The following NKAIN3 variants were observed in gnomAD, a reference collection of about 807,000 sequenced individuals.
NKAIN3 encodes sodium/potassium transporting ATPase interacting 3, also known as sodium/potassium-transporting ATPase subunit beta-1-interacting protein 3.
A neutral mutation model predicts 30.2 loss-of-function variants in NKAIN3; 25 were observed. That is an observed-to-expected ratio of 0.83 (90% confidence interval 0.60 to 1.16). NKAIN3 has a LOEUF of 1.16. Ranked by LOEUF, NKAIN3 falls within the 50% of genes most tolerant of loss-of-function variation. The pLI, the probability that NKAIN3 is intolerant of heterozygous loss-of-function variation, is 0.00. For synonymous variants in NKAIN3, 91 were observed against 89.6 expected (o/e 1.02, Z -0.09); for missense variants, 225 against 254.1 (o/e 0.89, Z 0.78).
chr8:62,301,894 A>T (rs11995175), intron 1 of NKAIN3, among the ~76,000 whole-genome samples: 279 of 152,180 alleles, frequency 1.8e-3, no homozygotes, highest in African/African-American at 6.3e-3. Flanking sequence ...TGCCAATAGA[A>T]ACTTAAACGT....
In NKAIN3 at chr8:62,729,046, A is replaced by ACAAAACGAAAC. The variant is rs200093846; in HGVS notation, c.274-17886_274-17885insCAAAACGAAAC. On this transcript the variant is annotated intron_variant, in intron 3 of 6. Coordinates refer to ENST00000623646, the MANE Select transcript of NKAIN3 (RefSeq NM_001304533.3). ...AACCAAAAAAAAAAAAAAACAAAAA[A>ACAAAACGAAAC]AAAAAACCTCCTGCTCTGCAAAAGA... 1.7e-3 allele frequency among the ~76,000 whole-genome samples: 238 copies of ACAAAACGAAAC among 139,468 alleles called. 9 individuals carry two copies. The highest frequency in any genetic ancestry group is 5.9e-3 in the African/African-American group (222 of 37,628). 91.5% of individuals were successfully genotyped at this position (139,468 alleles called of 152,430 possible). A position where few individuals can be genotyped will look rare whatever the true frequency, so the allele number is the denominator to read the frequency against.
chr8:62,926,145 G>A (rs1822436669), intron 5 of NKAIN3, among the ~76,000 whole-genome samples: 1 of 152,084 alleles, frequency 6.6e-6, no homozygotes, highest in South Asian at 2.1e-4. Flanking sequence ...TCACACCCTC[G>A]TGACACCCTG....
chr8:62,409,564 C>T (rs1444224319), intron 1 of NKAIN3, among the ~76,000 whole-genome samples: 6 of 152,088 alleles, frequency 3.9e-5, no homozygotes, highest in Non-Finnish European at 8.8e-5. Context: ...CCTATGATCA[C>T]ATTTTTATTA....
chr8:62,410,554 G>C (rs569081791), intron 1 of NKAIN3, among the ~76,000 whole-genome samples: 1 of 152,014 alleles, frequency 6.6e-6, no homozygotes, highest in East Asian at 1.9e-4. Flanking sequence ...CAAAAGATCA[G>C]TGAAACCAAG....
chr8:62,548,258 A>C (rs1159841553), intron 1 of NKAIN3, among the ~76,000 whole-genome samples: 3 of 152,206 alleles, frequency 2.0e-5, no homozygotes, highest in Non-Finnish European at 4.4e-5. Flanking sequence ...TGAACTGAAA[A>C]TATATTCAGT....
Position 62,934,826 on chromosome 8 carries a change from G to A in NKAIN3, c.532+16313G>A, listed in dbSNP as rs562050931. ...AGAGAGATCTTATCTCATGGTTTGT[G>A]CTACTGGGGAAAAAACGGGGTAGAA... On this transcript the variant is annotated intron_variant, in intron 5 of 6. Coordinates refer to ENST00000623646, the MANE Select transcript of NKAIN3 (RefSeq NM_001304533.3). Among the ~76,000 whole-genome samples the A allele has an allele frequency of 5.9e-5, 9 of 152,168 alleles. No homozygotes were observed. The South Asian group carries it at 1.5e-3, about 25-fold the overall frequency.
rs1307439969 is a variant in NKAIN3, at chr8:62,976,393, G to T, written c.*10986G>T. On this transcript the variant is annotated 3_prime_UTR_variant, in exon 7 of 7. Transcript: ENST00000623646. ...CACTATTAGGTGCATACATATTTAG[G>T]ATAGTTAGCTCTTCCTGTTGCATTG... is the stretch of plus-strand genomic sequence containing the variant. Among the ~76,000 whole-genome samples, 1 of 152,102 alleles carries T rather than the reference G, an allele frequency of 6.6e-6. No homozygotes were observed. The highest frequency in any genetic ancestry group is 1.5e-5 in the Non-Finnish European group (1 of 68,028).
At chr8:62,625,935 C>G (rs1365290465) in intron 3 of NKAIN3, among the ~76,000 whole-genome samples, 1 of 148,764 alleles carries the variant, frequency 6.7e-6, no homozygotes, top group African/African-American at 2.5e-5. Flanking sequence ...CATGTGTTAA[C>G]ATGACATAAT....
intron 1 of NKAIN3, among the ~76,000 whole-genome samples, chr8:62,471,894 A>G (rs1276554634): frequency 6.6e-6 from 1 of 152,120 alleles, no homozygotes; most frequent in Admixed American, 6.6e-5. Flanking sequence ...ATGGTGAGCT[A>G]TGATCGTGCC....
intron 2 of NKAIN3, among the ~76,000 whole-genome samples, chr8:62,581,110 T>TATAAAATAAAATAAAATAAA (rs71559376): frequency 0.031 from 3,558 of 114,260 alleles, 113 homozygotes; most frequent in African/African-American, 0.068. Flanking sequence ...CTCAAAAAAA[T>TATAAAATAAAATAAAATAAA]ATAAAATAAA....
intron 4 of NKAIN3, among the ~76,000 whole-genome samples, chr8:62,854,875 C>A (rs527929133): frequency 6.6e-6 from 1 of 152,232 alleles, no homozygotes; most frequent in South Asian, 2.1e-4. Context: ...TTCATACGCT[C>A]CTGTAAGGCA....
chr8:62,909,304 A>G (rs1035827136), intron 4 of NKAIN3, among the ~76,000 whole-genome samples: 1 of 152,350 alleles, frequency 6.6e-6, no homozygotes, highest in Admixed American at 6.5e-5. Flanking sequence ...CATTAATTAA[A>G]TATATCAAAG....
At chr8:62,338,216 A>G (rs1815630027) in intron 1 of NKAIN3, among the ~76,000 whole-genome samples, 2 of 152,162 alleles carry the variant, frequency 1.3e-5, no homozygotes, top group Non-Finnish European at 1.5e-5. Flanking sequence ...TGAAAAGTTT[A>G]TAATTTTTCT....
chr8:62,375,267 A>T (rs1817037986), intron 1 of NKAIN3, among the ~76,000 whole-genome samples: 1 of 152,172 alleles, frequency 6.6e-6, no homozygotes, highest in African/African-American at 2.4e-5. Context: ...TGTGAAGATC[A>T]ATTATATAAG....
intron 1 of NKAIN3, among the ~76,000 whole-genome samples, chr8:62,436,673 A>G (rs1179506230): frequency 6.6e-6 from 1 of 152,200 alleles, no homozygotes; most frequent in Non-Finnish European, 1.5e-5. Flanking sequence ...TCACTTAATT[A>G]GGAGTTGTTA....
intron 3 of NKAIN3, among the ~76,000 whole-genome samples, chr8:62,633,872 C>T (rs1812042000): frequency 6.6e-6 from 1 of 152,126 alleles, no homozygotes; most frequent in Non-Finnish European, 1.5e-5. Context: ...CTGGTAACCT[C>T]CCCACTTCTC....
rs541745882 is a variant in NKAIN3, at chr8:62,857,089, G to A, written c.472-61364G>A. The A allele has an allele frequency of 1.1e-5, 5 of 442,476 alleles. No homozygotes were observed. The East Asian group carries it at 2.9e-4, about 25-fold the overall frequency. 27.4% of individuals were successfully genotyped at this position (442,476 alleles called of 1,614,324 possible). A position where few individuals can be genotyped will look rare whatever the true frequency, so the allele number is the denominator to read the frequency against. ...ATACGACTCCCACCTTTACATGTTG[G>A]CTACTTCTCACTTTGGTGTAGGGAA... is the stretch of plus-strand genomic sequence containing the variant. On this transcript the variant is annotated intron_variant, in intron 4 of 6. Transcript: ENST00000623646.
In NKAIN3 at chr8:62,982,365, G is replaced by A. The variant is rs970976057; in HGVS notation, c.*16958G>A. Reference sequence around the variant, plus strand: ...TCAATGTCTACAATTTGAATGGAGAGCCCTTTCAATGTGGCGTTTCTGTTT... The same window carrying A: ...TCAATGTCTACAATTTGAATGGAGAACCCTTTCAATGTGGCGTTTCTGTTT... On this transcript the variant is annotated 3_prime_UTR_variant, in exon 7 of 7. Transcript: ENST00000623646. 2.0e-5 allele frequency: 3 copies of A among 152,144 alleles called. No individual in the cohort carries two copies. The East Asian group carries it at 5.8e-4, about 29-fold the overall frequency. 9.4% of individuals were successfully genotyped at this position (152,144 alleles called of 1,614,324 possible).
At chr8:62,446,148 A>G (rs1477531302) in intron 1 of NKAIN3, among the ~76,000 whole-genome samples, 1 of 152,188 alleles carries the variant, frequency 6.6e-6, no homozygotes, top group Admixed American at 6.5e-5. Flanking sequence ...GCCAAATAAG[A>G]AACTAAGAAA....
Sources: gnomAD v4.1 joint callset for allele counts (sites outside exome capture counted in the v4.1 genomes callset) on GRCh38, gnomAD v4.1.1 for gene constraint, MANE v1.5 for transcripts, NCBI Gene and HGNC (gene_info 2026-07-23, HGNC 2026-07-21) for gene names.